SZT2: variants seen among roughly 807,000 people sequenced by gnomAD.
SZT2 encodes SZT2 subunit of KICSTOR complex, also known as KICSTOR complex protein SZT2.
In SZT2, 216 loss-of-function variants were observed where a neutral mutation model predicts 404.2. The observed-to-expected ratio is 0.53, with a 90% CI of 0.48 to 0.60. SZT2 has a LOEUF of 0.60. Ranked by LOEUF, SZT2 falls within the 20% of genes least tolerant of loss-of-function variation. The pLI is 0.00. For synonymous variants in SZT2, 1,693 were observed against 1,749.9 expected (o/e 0.97, Z 0.81); for missense variants, 3,857 against 4,459.2 (o/e 0.86, Z 3.85).
rs554300793 is a variant in SZT2, at chr1:43,450,324, G to A, written c.10156-13G>A. 7.5e-5 allele frequency: 121 copies of A among 1,613,798 alleles called. No individual in the cohort carries two copies. The highest frequency in any genetic ancestry group is 6.2e-4 in the East Asian group (28 of 44,868). ...CTCCTCTCACCAGTGCATCCCCACC[G>A]TGTTCCCCACAGTCTCTGACAGTGG... On this transcript the variant is annotated splice_polypyrimidine_tract_variant and intron_variant, in intron 71 of 71. Coordinates refer to ENST00000634258, the MANE Select transcript of SZT2 (RefSeq NM_001365999.1). The surrounding 1 kb of genome is among the most constrained non-coding windows in gnomAD (Gnocchi z 4.3).
At position 43,441,258 on chromosome 1, in the gene SZT2, T is replaced by C. The variant is rs778123763; in HGVS notation, c.7389T>C (p.Asp2463=). ...ATTTGGGTTCCCCCAAAACAACTGA[T>C]GACATTGTCCTGGATCGGCCAGAAG... ...CGDLGSPKTT[D]DIVLDRPEDT... The change falls in exon 53 of 72, where the codon GAT becomes GAC. Residue 2463 remains aspartate, a synonymous_variant. Transcript: ENST00000634258. The surrounding 1 kb of genome is among the most constrained non-coding windows in gnomAD (Gnocchi z 4.8). 10 of 1,614,104 alleles carry C rather than the reference T, an allele frequency of 6.2e-6. No homozygotes were observed. In the Admixed American group the frequency reaches 1.7e-4, roughly 27 times the overall value.
rs982772189 is a variant in SZT2, at chr1:43,453,064, A to G, written c.*2584A>G. The G allele has an allele frequency of 5.9e-6, 6 of 1,021,588 alleles. No homozygotes were observed. The African/African-American group carries it at 6.3e-5, about 11-fold the overall frequency. 63.3% of individuals were successfully genotyped at this position (1,021,588 alleles called of 1,614,324 possible). On this transcript the variant is annotated 3_prime_UTR_variant, in exon 72 of 72. Coordinates refer to ENST00000634258, the MANE Select transcript of SZT2 (RefSeq NM_001365999.1). ...AGCTTTCTCTGATCCAGACAGGGTT[A>G]GGTGCCTACCCTGCTCCCACAGCTT...
At position 43,435,335 on chromosome 1, in the gene SZT2, A is replaced by T; in HGVS notation, c.6034+6A>T. On this transcript the variant is annotated splice_donor_region_variant and intron_variant, in intron 42 of 71. Transcript: ENST00000634258. The stretch of plus-strand genomic sequence containing the variant: ...GGCACCACTGCCCAGTGATGGTGAG[A>T]TCCCACCCAGGAGCCTCCCTCACAA... The T allele has an allele frequency of 6.2e-7, 1 of 1,613,786 alleles. No homozygotes were observed. The highest frequency in any genetic ancestry group is 8.5e-7 in the Non-Finnish European group (1 of 1,179,860).
chr1:43,431,325 G>A lies in SZT2; in HGVS notation c.4977G>A (p.Arg1659=). 2 of 1,613,412 alleles carry A rather than the reference G, an allele frequency of 1.2e-6. No individual in the cohort carries two copies. Among genetic ancestry groups the A allele is most frequent in the Non-Finnish European group, 1.7e-6 (2 of 1,179,602 alleles). ...CCCCAGGGCAGCCATCATCTTTAAG[G>A]TCAGATGATGGCCTCGGGCCCCCAC... ...PRSPGQPSSL[R]SDDGLGPPLP... Residue 1659 remains arginine (R), a synonymous_variant, in exon 34 of 72, where the codon AGG becomes AGA. Coordinates refer to ENST00000634258, the MANE Select transcript of SZT2 (RefSeq NM_001365999.1).
Position 43,441,777 on chromosome 1 carries a change from A to G in SZT2, c.7701A>G (p.Ser2567=). The G allele has an allele frequency of 6.2e-7, 1 of 1,614,148 alleles. No individual in the cohort carries two copies. Among genetic ancestry groups the G allele is most frequent in the South Asian group, 1.1e-5 (1 of 91,072 alleles). The change falls in exon 55 of 72, where the codon TCA becomes TCG. Residue 2567 remains serine, a synonymous_variant. Coordinates refer to ENST00000634258, the MANE Select transcript of SZT2 (RefSeq NM_001365999.1). This position sits in a 1 kb window ranked among gnomAD's most constrained non-coding sequence, Gnocchi z 4.8. ...ILSEFTALVT[S]MAGDTSVRIF... is the part of the protein sequence containing the mutation. Reference sequence around the variant, plus strand: ...CTGAGTTCACCGCACTGGTCACCTCAATGGCTGGAGACACCAGTGTCCGCA... The same window carrying G: ...CTGAGTTCACCGCACTGGTCACCTCGATGGCTGGAGACACCAGTGTCCGCA...
At position 43,416,659 on chromosome 1, in the gene SZT2, A is replaced by G. The variant is rs2153931644; in HGVS notation, c.879+18A>G. On this transcript the variant is annotated intron_variant, in intron 7 of 71. Transcript: ENST00000634258. ...TTGTCCAGGTGAGGACTTTTTAGGA[A>G]GGACGAGAGAGATATGGAATATCTC... 3 of 1,572,746 alleles carry G rather than the reference A, an allele frequency of 1.9e-6. No individual in the cohort carries two copies. Among genetic ancestry groups the G allele is most frequent in the Middle Eastern group, 1.7e-4 (1 of 6,024 alleles).
chr1:43,399,576 G>A (rs909490817), intron 1 of SZT2, among the ~76,000 whole-genome samples: 9 of 150,004 alleles, frequency 6.0e-5, no homozygotes, highest in African/African-American at 2.2e-4. Context: ...ATTCTCCTGC[G>A]TCAGCCTCCT....
intron 28 of SZT2, 67 bp from the exon 29 acceptor site, chr1:43,429,636 T>C (rs1332240510): frequency 1.9e-6 from 3 of 1,602,872 alleles, no homozygotes; most frequent in Non-Finnish European, 2.6e-6. Flanking sequence ...GCTCCCCAGT[T>C]GAGAGGCAGG....
At position 43,448,253 on chromosome 1, in the gene SZT2, T is replaced by C; in HGVS notation, c.9738T>C (p.Pro3246=). The change falls in exon 69 of 72, where the codon CCT becomes CCC. Residue 3246 remains proline (P), a synonymous_variant. Transcript: ENST00000634258. This position sits in a 1 kb window ranked among gnomAD's most constrained non-coding sequence, Gnocchi z 4.2. ...TTATTCTAGCGCCTGGACCGGCTCC[T>C]CTGTTCCCACCACTGGCTGCAGAGG... ...SGLILAPGPA[P]LFPPLAAEVG... is the part of the protein sequence containing the mutation. 6.3e-7 allele frequency: 1 copy of C among 1,582,836 alleles called. No individual in the cohort carries two copies. The highest frequency in any genetic ancestry group is 8.6e-7 in the Non-Finnish European group (1 of 1,164,976).
chr1:43,414,735 TGAG>T (rs1193999330), intron 4 of SZT2, among the ~76,000 whole-genome samples: 9 of 152,212 alleles, frequency 5.9e-5, no homozygotes, highest in African/African-American at 2.2e-4. Flanking sequence ...TTTGCCGGGC[TGAG>T]GAGGGGCAGC....
Position 43,453,473 on chromosome 1 carries a change from C to T in SZT2, c.*2993C>T. The T allele has an allele frequency of 6.4e-7, 1 of 1,560,694 alleles. No homozygotes were observed. The highest frequency in any genetic ancestry group is 8.7e-7 in the Non-Finnish European group (1 of 1,151,508). ...CTGTCTCCCGGGGACGGCCCCCAGCCCCATTTCCCCCTTCTCTTGGTCTCC... is the reference window on the plus strand; with the variant it reads ...CTGTCTCCCGGGGACGGCCCCCAGCTCCATTTCCCCCTTCTCTTGGTCTCC... On this transcript the variant is annotated 3_prime_UTR_variant, in exon 72 of 72. Coordinates refer to ENST00000634258, the MANE Select transcript of SZT2 (RefSeq NM_001365999.1).
At chr1:43,391,151 C>T (rs1247329525) in intron 1 of SZT2, among the ~76,000 whole-genome samples, 1 of 152,134 alleles carries the variant, frequency 6.6e-6, no homozygotes, top group African/African-American at 2.4e-5. Flanking sequence ...CCTGTCTGTA[C>T]TGAAAATGCA....
intron 35 of SZT2, 35 bp downstream of exon 35, chr1:43,431,558 C>T (rs1653887156): frequency 6.2e-7 from 1 of 1,613,232 alleles, no homozygotes; most frequent in African/African-American, 1.3e-5. Flanking sequence ...TAACTGATTC[C>T]CTTTCCATCG....
rs749086217 is a variant in SZT2, at chr1:43,420,883, G to A, written c.1396G>A (p.Gly466Ser). Residue 466 changes from glycine to serine, a missense_variant, in exon 10 of 72, where the codon GGC (glycine) becomes AGC (serine). Physicochemically the swap from Gly to Ser is moderately conservative, Grantham distance 56 (BLOSUM62 0). Around this residue, in one of 7 missense-constraint regions of SZT2, gnomAD observed 536 missense variants for 637.4 expected, o/e 0.84. Coordinates refer to ENST00000634258, the MANE Select transcript of SZT2 (RefSeq NM_001365999.1). The surrounding 1 kb of genome is among the most constrained non-coding windows in gnomAD (Gnocchi z 5.1). ...VTRVEVTMEG[G>S]YDILHDVSCA... is the part of the protein sequence containing the mutation. ...ACGGGTGGAAGTGACGATGGAAGGC[G>A]GCTACGACATTTTGCATGATGTGTC... The A allele has an allele frequency of 4.1e-5, 66 of 1,598,318 alleles. No homozygotes were observed. The East Asian group carries it at 5.3e-4, about 13-fold the overall frequency.
chr1:43,419,934 A>G lies in SZT2; in HGVS notation c.1080A>G (p.Glu360=). Residue 360 remains glutamate (E), a synonymous_variant, in exon 8 of 72, where the codon GAA becomes GAG. Coordinates refer to ENST00000634258, the MANE Select transcript of SZT2 (RefSeq NM_001365999.1). ...FLRSGEALNP[E]YYCGSQHRLF... ...GCAGTGGGGAAGCACTGAACCCTGA[A>G]TATTACTGCGGTGAGAGGCACACTG... is the stretch of plus-strand genomic sequence containing the variant. The G allele has an allele frequency of 1.9e-6, 3 of 1,598,202 alleles. No homozygotes were observed. In the South Asian group the frequency reaches 3.3e-5, roughly 18 times the overall value.
In SZT2 at chr1:43,446,350, C is replaced by G; in HGVS notation, c.9006C>G (p.Tyr3002Ter). 1 of 1,614,266 alleles carries G rather than the reference C, an allele frequency of 6.2e-7. No individual in the cohort carries two copies. Among genetic ancestry groups the G allele is most frequent in the Non-Finnish European group, 8.5e-7 (1 of 1,180,042 alleles). The change falls in exon 65 of 72, where the codon TAC becomes TAG. Residue 3002 changes from tyrosine to a stop codon, truncating the protein, a stop_gained. Coordinates refer to ENST00000634258, the MANE Select transcript of SZT2 (RefSeq NM_001365999.1). LOFTEE classifies it high-confidence loss of function. ...ILMELAFQGC[Y>*]FCVKQFALEC... ...CTTCACCTTCCCTCCAGGGCTGTTA[C>G]TTCTGTGTCAAACAGTTTGCCCTGG... is the stretch of plus-strand genomic sequence containing the variant.
chr1:43,404,257 CTGTATT>C, intron 3 of SZT2, 117 bp from the exon 4 acceptor site: 1 of 788,632 alleles, frequency 1.3e-6, no homozygotes, highest in South Asian at 1.9e-5. Flanking sequence ...ATGTGTGGCA[CTGTATT>C]TGGGTGTGCG....
chr1:43,431,337 C>T lies in SZT2; in HGVS notation c.4989C>T (p.Gly1663=). 1 of 1,612,832 alleles carries T rather than the reference C, an allele frequency of 6.2e-7. No homozygotes were observed. Among genetic ancestry groups the T allele is most frequent in the Non-Finnish European group, 8.5e-7 (1 of 1,179,150 alleles). ...GQPSSLRSDD[G]LGPPLPPPEE... ...CATCATCTTTAAGGTCAGATGATGG[C>T]CTCGGGCCCCCACTGCCACCCCCAG... is the stretch of plus-strand genomic sequence containing the variant. The change falls in exon 34 of 72, where the codon GGC becomes GGT. Residue 1663 remains glycine, a synonymous_variant. Transcript: ENST00000634258.
In SZT2 at chr1:43,433,266, G is replaced by T; in HGVS notation, c.5804+76G>T. 7.3e-6 allele frequency: 11 copies of T among 1,503,750 alleles called. No individual in the cohort carries two copies. In the South Asian group the frequency reaches 1.1e-4, roughly 14 times the overall value. The allele number at this position is 1,503,750 out of a possible 1,614,324, so 93.2% of individuals were successfully genotyped here. Reference sequence around the variant, plus strand: ...TCTGCTCCCACAGTACCTCTCTCCAGTGTTGTTAGAAGTAAGACTTGGGAC... The same window carrying T: ...TCTGCTCCCACAGTACCTCTCTCCATTGTTGTTAGAAGTAAGACTTGGGAC... On this transcript the variant is annotated intron_variant, in intron 40 of 71. Transcript: ENST00000634258.
Sources: allele counts gnomAD v4.1 joint callset (sites outside exome capture counted in the v4.1 genomes callset), GRCh38; gene constraint gnomAD v4.1.1; regional missense constraint gnomAD v4.1.1; non-coding constraint Gnocchi (gnomAD v3.1); transcripts MANE v1.5; gene names NCBI Gene and HGNC (gene_info 2026-07-23, HGNC 2026-07-21).